The following GPC6 variants were observed in gnomAD, a reference collection of about 807,000 sequenced individuals.
The protein encoded by GPC6 is glypican-6.
GPC6 carries 14 observed loss-of-function variants against 55.2 expected under a neutral mutation model. That is an observed-to-expected ratio of 0.25 (90% CI 0.17 to 0.40). The LOEUF (loss-of-function observed/expected upper bound fraction) is 0.40, where lower values mean the gene tolerates loss of function less well. Ranked by LOEUF, GPC6 falls within the 10% of genes least tolerant of loss-of-function variation. The pLI, the probability that GPC6 is intolerant of heterozygous loss-of-function variation, is 1.00. For missense variants in GPC6, 641 were observed against 708.5 expected (o/e 0.90, Z 1.08); for synonymous variants, 278 against 259.6 (o/e 1.07, Z -0.68).
chr13:93,256,337 A>ATT (rs544495745), intron 1 of GPC6, among the ~76,000 whole-genome samples: 1 of 149,410 alleles, frequency 6.7e-6, no homozygotes, highest in Non-Finnish European at 1.5e-5. Flanking sequence ...AGAGATCGTC[A>ATT]TTTTTTTTTT....
chr13:93,489,414 AGCTTT>A (rs1004038529), intron 1 of GPC6, among the ~76,000 whole-genome samples: 53 of 151,552 alleles, frequency 3.5e-4, no homozygotes, highest in African/African-American at 1.1e-3. Flanking sequence ...TGATGCCTCC[AGCTTT>A]GTTCTTTTGG....
At chr13:94,343,591 A>T (rs1353984314) in intron 6 of GPC6, among the ~76,000 whole-genome samples, 2 of 152,228 alleles carry the variant, frequency 1.3e-5, no homozygotes, top group African/African-American at 4.8e-5. Flanking sequence ...TAGAAAATTA[A>T]GGCTAGGATT....
chr13:94,361,293 T>TGAA (rs1879047703), intron 6 of GPC6, among the ~76,000 whole-genome samples: 1 of 152,206 alleles, frequency 6.6e-6, no homozygotes, highest in Admixed American at 6.5e-5. Context: ...GGATACTACC[T>TGAA]GCATAGTTGC....
chr13:93,693,439 ATGTGTGTGTGTGTATGTATATCTG>A (rs1566490129), intron 2 of GPC6, among the ~76,000 whole-genome samples: 3 of 149,222 alleles, frequency 2.0e-5, no homozygotes, highest in African/African-American at 7.4e-5. Context: ...ATGGAGATAT[ATGTGTGTGTGTGTATGTATATCTG>A]TGTGTGTGTG....
At chr13:93,875,673 G>A (rs1414115687) in intron 3 of GPC6, among the ~76,000 whole-genome samples, 2 of 152,016 alleles carry the variant, frequency 1.3e-5, no homozygotes, top group Non-Finnish European at 2.9e-5. Context: ...TAGAAAGAAA[G>A]CATTTAGCTT....
intron 1 of GPC6, among the ~76,000 whole-genome samples, chr13:93,339,990 A>T (rs931675999): frequency 6.6e-6 from 1 of 151,360 alleles, no homozygotes; most frequent in Non-Finnish European, 1.5e-5. Context: ...TTAGTTAATA[A>T]TAATCCATTC....
intron 2 of GPC6, among the ~76,000 whole-genome samples, chr13:93,638,443 C>CTA (rs148013524): frequency 0.018 from 2,800 of 152,172 alleles, 72 homozygotes; most frequent in African/African-American, 0.062. Flanking sequence ...TTAGCCAAAA[C>CTA]TGTTTTCACT....
intron 3 of GPC6, among the ~76,000 whole-genome samples, chr13:93,912,577 A>G (rs533678687): frequency 2.0e-5 from 3 of 152,036 alleles, no homozygotes; most frequent in Non-Finnish European, 4.4e-5. Flanking sequence ...CCCCATCTCT[A>G]CTAAAAATAC....
chr13:94,115,880 A>G (rs569440958), intron 4 of GPC6, among the ~76,000 whole-genome samples: 2 of 152,230 alleles, frequency 1.3e-5, no homozygotes, highest in South Asian at 4.1e-4. Flanking sequence ...AAATAGCTTA[A>G]TATTTATAGA....
intron 2 of GPC6, among the ~76,000 whole-genome samples, chr13:93,687,679 T>G (rs1189212815): frequency 6.6e-6 from 1 of 152,070 alleles, no homozygotes; most frequent in Non-Finnish European, 1.5e-5. Flanking sequence ...CTTAAAATGC[T>G]CCCAATAAGT....
At chr13:93,218,478 A>G in the GPC6 span, among the ~76,000 whole-genome samples, 1 of 152,220 alleles carries the variant, frequency 6.6e-6, no homozygotes, top group African/African-American at 2.4e-5. Flanking sequence ...ATAGGTCTAA[A>G]AATTATTAAT....
chr13:93,443,111 A>G (rs929518052), intron 1 of GPC6, among the ~76,000 whole-genome samples: 10 of 152,122 alleles, frequency 6.6e-5, no homozygotes, highest in African/African-American at 2.4e-4. Context: ...TCAAAGTTCA[A>G]CTGTTTATCC....
At chr13:94,102,931 C>A (rs1264687468) in intron 4 of GPC6, among the ~76,000 whole-genome samples, 1 of 152,126 alleles carries the variant, frequency 6.6e-6, no homozygotes, top group Non-Finnish European at 1.5e-5. Context: ...TACATGTGCA[C>A]AACGTGCAGG....
Position 93,399,528 on chromosome 13 carries a change from A to G in GPC6, c.161-145735A>G, listed in dbSNP as rs570770454. Among the ~76,000 whole-genome samples, 46 of 152,344 alleles carry G rather than the reference A, an allele frequency of 3.0e-4. 1 individual carries two copies. In the South Asian group the frequency reaches 9.3e-3, roughly 31 times the overall value. ...ACATCCAGGCTTAAAATAATTATTA[A>G]TATTTCCTACGCATACACGAGATGC... On this transcript the variant is annotated intron_variant, in intron 1 of 8. Coordinates refer to ENST00000377047, the MANE Select transcript of GPC6 (RefSeq NM_005708.5).
chr13:93,547,599 A>G (rs1044313723), intron 2 of GPC6, among the ~76,000 whole-genome samples: 1 of 152,280 alleles, frequency 6.6e-6, no homozygotes, highest in African/African-American at 2.4e-5. Context: ...TGATTTTGCT[A>G]AGATTAGATC....
At chr13:93,270,140 C>T (rs889726945) in intron 1 of GPC6, among the ~76,000 whole-genome samples, 4 of 150,800 alleles carry the variant, frequency 2.7e-5, no homozygotes, top group African/African-American at 7.3e-5. Flanking sequence ...GTCACAGCTA[C>T]TTGGGAGGCT....
intron 4 of GPC6, among the ~76,000 whole-genome samples, chr13:94,174,596 T>C (rs552793731): frequency 3.9e-5 from 6 of 152,172 alleles, no homozygotes; most frequent in Admixed American, 1.3e-4. Flanking sequence ...AAGAAAAGCA[T>C]GTAAGAAAAA....
chr13:93,219,090 ATT>A, the GPC6 span, among the ~76,000 whole-genome samples: 3 of 134,610 alleles, frequency 2.2e-5, no homozygotes, highest in African/African-American at 8.8e-5. Context: ...TTTCTTTCCT[ATT>A]TTTTTTTTTT....
At chr13:94,320,407 TC>T (rs35984189) in intron 6 of GPC6, among the ~76,000 whole-genome samples, 2 of 152,222 alleles carry the variant, frequency 1.3e-5, no homozygotes, top group Admixed American at 1.3e-4. Flanking sequence ...GTGCTTTATT[TC>T]CTTATAGATG....
Sources: allele counts gnomAD v4.1 joint callset (sites outside exome capture counted in the v4.1 genomes callset), GRCh38; gene constraint gnomAD v4.1.1; transcripts MANE v1.5; gene names NCBI Gene and HGNC (gene_info 2026-07-23, HGNC 2026-07-21).